ANKH: variants seen among roughly 807,000 people sequenced by gnomAD.
ANKH encodes mineralization regulator ANKH.
Under a neutral mutation model 49.0 loss-of-function variants are expected in ANKH, and 15 were observed. The ratio of observed to expected loss-of-function variants is 0.31; its 90% CI spans 0.20 to 0.47. The LOEUF (loss-of-function observed/expected upper bound fraction) is 0.47. Ranked by LOEUF, ANKH falls within the 20% of genes least tolerant of loss-of-function variation. The pLI is 1.00. For missense variants in ANKH, 429 were observed against 652.0 expected (o/e 0.66, Z 3.72); for synonymous variants, 273 against 260.0 (o/e 1.05, Z -0.48).
intron 8 of ANKH, among the ~76,000 whole-genome samples, chr5:14,731,163 G>A (rs929877912): frequency 2.0e-5 from 3 of 152,182 alleles, no homozygotes; most frequent in Non-Finnish European, 2.9e-5. Context: ...GGCTGTTGGC[G>A]GATGGGTGGC....
rs1352613417 is a variant in ANKH, at chr5:14,860,929, CCCA to C, written c.96+10420_96+10422del. On this transcript the variant is annotated intron_variant, in intron 1 of 11. Transcript: ENST00000284268. ...TCCCAAGTAGCTAGGACTACAGGCGCCCACCACCACACCCGGCTAATTTTTGTA... is the reference window on the plus strand; with the variant it reads ...TCCCAAGTAGCTAGGACTACAGGCGCCCACCACACCCGGCTAATTTTTGTA... Among the ~76,000 whole-genome samples, 3 of 151,832 alleles carry C rather than the reference CCCA, an allele frequency of 2.0e-5. No homozygotes were observed. The East Asian group carries it at 5.8e-4, about 29-fold the overall frequency.
intron 1 of ANKH, among the ~76,000 whole-genome samples, chr5:14,861,071 C>T (rs889001200): frequency 6.6e-6 from 1 of 152,260 alleles, no homozygotes; most frequent in African/African-American, 2.4e-5. Context: ...AGCCACCGTG[C>T]CCGGCCTACA....
At chr5:14,796,993 T>G in intron 1 of ANKH, 2 of 1,125,652 alleles carry the variant, frequency 1.8e-6, no homozygotes, top group South Asian at 3.4e-5. Context: ...TTTGGGCTAA[T>G]AGCATTATCG....
At chr5:14,775,563 A>C (rs191084726) in intron 1 of ANKH, among the ~76,000 whole-genome samples, 2 of 152,262 alleles carry the variant, frequency 1.3e-5, no homozygotes, top group African/African-American at 4.8e-5. Context: ...CATTTTTTGC[A>C]GGAGCTTATT....
intron 1 of ANKH, among the ~76,000 whole-genome samples, chr5:14,842,647 A>G (rs1011146582): frequency 7.2e-5 from 11 of 152,188 alleles, no homozygotes; most frequent in African/African-American, 2.7e-4. Flanking sequence ...CTTAGTTTAC[A>G]GTGTCCTGAG....
intron 1 of ANKH, among the ~76,000 whole-genome samples, chr5:14,815,810 A>G (rs1464419697): frequency 6.6e-6 from 1 of 152,266 alleles, no homozygotes; most frequent in Non-Finnish European, 1.5e-5. Context: ...TAGAGACTTA[A>G]TACTGCCAAA....
At chr5:14,869,613 A>G (rs1224196258) in intron 1 of ANKH, 1 of 152,250 alleles carries the variant, frequency 6.6e-6, no homozygotes, top group Non-Finnish European at 1.5e-5. Context: ...CCATCTGGAT[A>G]GTTGTCTCTT....
intron 1 of ANKH, chr5:14,870,830 T>C (rs1406819576): frequency 7.0e-6 from 1 of 143,812 alleles, no homozygotes; most frequent in Non-Finnish European, 1.5e-5. Context: ...AATCCCAAAC[T>C]AGAAATAAAT....
At chr5:14,798,477 C>G (rs530587859) in intron 1 of ANKH, 1 of 1,103,542 alleles carries the variant, frequency 9.1e-7, no homozygotes, top group African/African-American at 1.7e-5. Context: ...GTTCGCTCTG[C>G]GCACGCGGTC....
intron 1 of ANKH, among the ~76,000 whole-genome samples, chr5:14,859,408 A>G (rs1735410454): frequency 6.6e-6 from 1 of 152,178 alleles, no homozygotes; most frequent in Non-Finnish European, 1.5e-5. Flanking sequence ...GCTGTAGGAC[A>G]TTAGTTTTTT....
intron 1 of ANKH, among the ~76,000 whole-genome samples, chr5:14,773,321 A>C (rs1008005979): frequency 6.7e-6 from 1 of 148,392 alleles, no homozygotes; most frequent in Non-Finnish European, 1.5e-5. Context: ...ATGGAGGACT[A>C]GACATTTTAT....
Position 14,751,191 on chromosome 5 carries a change from G to A in ANKH, c.565C>T (p.Pro189Ser). Residue 189 changes from proline (P) to serine (S), a missense_variant, in exon 5 of 12, where the codon CCC becomes TCC. Pro to Ser is a moderately conservative substitution (Grantham distance 74). Transcript: ENST00000284268. ...AAGGAGAGGATCGGGATGAGCAGGG[G>A]CTCCCGGCATTCCAGGTGACTGTGA... ...LLHSHLECRE[P>S]LLIPILSLYM... 1.9e-6 allele frequency: 3 copies of A among 1,614,212 alleles called. No homozygotes were observed. Among genetic ancestry groups the A allele is most frequent in the Non-Finnish European group, 2.5e-6 (3 of 1,180,046 alleles).
chr5:14,854,896 T>G (rs1430660996), intron 1 of ANKH, among the ~76,000 whole-genome samples: 1 of 152,106 alleles, frequency 6.6e-6, no homozygotes, highest in East Asian at 1.9e-4. Flanking sequence ...TGGTCTCACC[T>G]CCCTCTAATT....
intron 8 of ANKH, among the ~76,000 whole-genome samples, chr5:14,723,053 C>G (rs189500882): frequency 6.6e-6 from 1 of 152,040 alleles, no homozygotes; most frequent in Non-Finnish European, 1.5e-5. Flanking sequence ...TCCTCAAAAC[C>G]GTTGAGGCCT....
chr5:14,756,259 ATC>A (rs1738880806), intron 3 of ANKH, among the ~76,000 whole-genome samples: 2 of 152,268 alleles, frequency 1.3e-5, no homozygotes, highest in East Asian at 3.9e-4. Context: ...AAGAAACACA[ATC>A]TCTGTCTCTC....
At chr5:14,778,690 T>TA (rs1396080383) in intron 1 of ANKH, among the ~76,000 whole-genome samples, 2 of 152,150 alleles carry the variant, frequency 1.3e-5, no homozygotes, top group Non-Finnish European at 2.9e-5. Context: ...TTCCCTTCCT[T>TA]ACTACTGCAG....
chr5:14,712,114 G>C (rs549066150), intron 11 of ANKH, among the ~76,000 whole-genome samples: 1 of 152,186 alleles, frequency 6.6e-6, no homozygotes, highest in Non-Finnish European at 1.5e-5. Context: ...AGCCCCAGCT[G>C]TGCTGAGGTT....
chr5:14,852,449 T>A (rs1350758713), intron 1 of ANKH, among the ~76,000 whole-genome samples: 1 of 152,202 alleles, frequency 6.6e-6, no homozygotes, highest in African/African-American at 2.4e-5. Flanking sequence ...CAGCTACTGA[T>A]AGTGACAATC....
In ANKH at chr5:14,751,105, G is replaced by A. The variant is rs552462153; in HGVS notation, c.651C>T (p.His217=). ...TLCLGYYKNI[H]DIIPDRSGPE... ...GGCCACTTCTGTCAGGGATGATGTCGTGAATGTTCTTGTAGTAGCCCAGGC... is the reference window on the plus strand; with the variant it reads ...GGCCACTTCTGTCAGGGATGATGTCATGAATGTTCTTGTAGTAGCCCAGGC... Residue 217 remains histidine (H), a synonymous_variant, in exon 5 of 12, where the codon CAC becomes CAT. Coordinates refer to ENST00000284268, the MANE Select transcript of ANKH (RefSeq NM_054027.6). The A allele has an allele frequency of 1.8e-5, 29 of 1,614,232 alleles. No individual in the cohort carries two copies. Among genetic ancestry groups the A allele is most frequent in the African/African-American group, 6.7e-5 (5 of 75,064 alleles).
Sources: gnomAD v4.1 joint callset for allele counts (sites outside exome capture counted in the v4.1 genomes callset) on GRCh38, gnomAD v4.1.1 for gene constraint, MANE v1.5 for transcripts, NCBI Gene and HGNC (gene_info 2026-07-23, HGNC 2026-07-21) for gene names.